Variants in DYM observed in about 807,000 individuals in gnomAD.
DYM encodes dymeclin, also known as dyggve-Melchior-Clausen syndrome protein.
Under a neutral mutation model 93.1 loss-of-function variants are expected in DYM, and 78 were observed. That is an observed-to-expected ratio of 0.84 (90% confidence interval 0.70 to 1.01). The LOEUF is 1.01. Ranked by LOEUF, DYM falls within the 50% of genes least tolerant of loss-of-function variation. The pLI is 0.00. For missense variants in DYM, 789 were observed against 845.0 expected (o/e 0.93, Z 0.82); for synonymous variants, 321 against 319.7 (o/e 1.00, Z -0.04).
rs1347130931 is a variant in DYM, at chr18:49,395,346, A to C, written c.141-3701T>G. On this transcript the variant is annotated intron_variant, in intron 2 of 17. Coordinates refer to ENST00000675505, the MANE Select transcript of DYM (RefSeq NM_001353214.3). ...AGACACCTCTCAAAAGAAGAAACAC[A>C]AGGCCAGGCGCAGTGGCTCATGCCT... 2.6e-5 allele frequency among the ~76,000 whole-genome samples: 4 copies of C among 152,212 alleles called. No homozygotes were observed. In the East Asian group the frequency reaches 7.7e-4, roughly 29 times the overall value.
chr18:49,349,111 G>A (rs765710487), intron 6 of DYM, among the ~76,000 whole-genome samples: 19 of 152,072 alleles, frequency 1.2e-4, no homozygotes, highest in Non-Finnish European at 2.2e-4. Flanking sequence ...GTGAGGCTGA[G>A]GCATGAGAAT....
chr18:49,296,362 T>C (rs2060552824), intron 8 of DYM, among the ~76,000 whole-genome samples: 1 of 152,202 alleles, frequency 6.6e-6, no homozygotes, highest in Admixed American at 6.5e-5. Context: ...TGTGCCCAAA[T>C]GTGTATTTGC....
chr18:49,152,969 G>C (rs1223179079), intron 15 of DYM, among the ~76,000 whole-genome samples: 1 of 152,180 alleles, frequency 6.6e-6, no homozygotes, highest in African/African-American at 2.4e-5. Context: ...GTGGGGGAAA[G>C]GAGATGTTGG....
intron 2 of DYM, among the ~76,000 whole-genome samples, chr18:49,415,048 G>A (rs755927283): frequency 3.3e-5 from 5 of 151,830 alleles, no homozygotes; most frequent in East Asian, 3.9e-4. Context: ...ACAGTGGCAT[G>A]ACCTCAGCTC....
At chr18:49,422,544 C>A (rs1037355088) in intron 2 of DYM, among the ~76,000 whole-genome samples, 11 of 152,184 alleles carry the variant, frequency 7.2e-5, no homozygotes, top group African/African-American at 2.6e-4. Context: ...TCACACATAA[C>A]AATATTAACC....
intron 13 of DYM, among the ~76,000 whole-genome samples, chr18:49,212,636 CA>C (rs930981361): frequency 5.9e-5 from 9 of 152,052 alleles, no homozygotes; most frequent in African/African-American, 1.7e-4. Flanking sequence ...GCTGGAACCA[CA>C]AGTGTGTGCC....
chr18:49,129,024 T>C (rs2083113644), intron 15 of DYM, among the ~76,000 whole-genome samples: 1 of 152,096 alleles, frequency 6.6e-6, no homozygotes, highest in South Asian at 2.1e-4. Context: ...CCTATGACGC[T>C]TGATGCCCTT....
intron 16 of DYM, among the ~76,000 whole-genome samples, chr18:49,107,791 C>T (rs984385873): frequency 6.6e-6 from 1 of 152,202 alleles, no homozygotes; most frequent in Non-Finnish European, 1.5e-5. Flanking sequence ...GAGTACCCGG[C>T]CGTGTGAAGT....
At chr18:49,401,226 C>G (rs1453330257) in intron 2 of DYM, among the ~76,000 whole-genome samples, 1 of 152,178 alleles carries the variant, frequency 6.6e-6, no homozygotes, top group Non-Finnish European at 1.5e-5. Flanking sequence ...CTAGTAATCT[C>G]TTAGTCAAAG....
intron 17 of DYM, among the ~76,000 whole-genome samples, chr18:49,074,411 T>C (rs994290782): frequency 6.6e-6 from 1 of 152,220 alleles, no homozygotes; most frequent in Non-Finnish European, 1.5e-5. Flanking sequence ...CTTGAGCATC[T>C]GTGGATTTTG....
intron 15 of DYM, among the ~76,000 whole-genome samples, chr18:49,157,352 C>G (rs1359132437): frequency 6.6e-6 from 1 of 152,210 alleles, no homozygotes; most frequent in Non-Finnish European, 1.5e-5. Context: ...CAGACTGTCT[C>G]TCCCACACAT....
intron 14 of DYM, among the ~76,000 whole-genome samples, chr18:49,202,920 C>CT (rs2092164518): frequency 7.3e-6 from 1 of 136,824 alleles, no homozygotes; most frequent in Non-Finnish European, 1.6e-5. Flanking sequence ...GTCAGCCCCC[C>CT]GCCTGGCCAG....
At chr18:49,299,904 G>A (rs557841559) in intron 8 of DYM, among the ~76,000 whole-genome samples, 242 of 151,336 alleles carry the variant, frequency 1.6e-3, no homozygotes, top group African/African-American at 5.6e-3. Context: ...TTAGCTGGGC[G>A]TGGTGGCAGG....
intron 15 of DYM, among the ~76,000 whole-genome samples, chr18:49,133,877 A>G (rs768676094): frequency 3.0e-4 from 46 of 152,286 alleles, no homozygotes; most frequent in Non-Finnish European, 6.0e-4. Context: ...ACATACCTAC[A>G]GGTTCTGGGG....
chr18:49,441,224 T>A (rs1600288238), intron 1 of DYM, among the ~76,000 whole-genome samples: 1 of 26,450 alleles, frequency 3.8e-5, no homozygotes, highest in Non-Finnish European at 7.1e-5. Context: ...TATATATAAT[T>A]ATATTATATA....
At chr18:49,126,992 C>T (rs546234813) in intron 15 of DYM, among the ~76,000 whole-genome samples, 4 of 152,236 alleles carry the variant, frequency 2.6e-5, no homozygotes, top group South Asian at 2.1e-4. Context: ...ATGGAAGACA[C>T]GCTTTTGAAA....
intron 8 of DYM, among the ~76,000 whole-genome samples, chr18:49,289,166 G>C (rs1240965729): frequency 2.6e-5 from 4 of 151,866 alleles, no homozygotes; most frequent in Admixed American, 2.6e-4. Context: ...AGTGTTCTTG[G>C]GACAGTGAAA....
At chr18:49,185,395 T>C (rs2090339241) in intron 14 of DYM, among the ~76,000 whole-genome samples, 1 of 152,200 alleles carries the variant, frequency 6.6e-6, no homozygotes, top group Non-Finnish European at 1.5e-5. Context: ...ATAATTCTAT[T>C]ATATGACTGT....
In DYM at chr18:49,217,630, C is replaced by A. The variant is rs566164484; in HGVS notation, c.1461-7915G>T. ...TTCTTAAAGAAAAGAATTTTCAACC[C>A]AGAATTTCATATCCAGCCAAACTAA... is the stretch of plus-strand genomic sequence containing the variant. On this transcript the variant is annotated intron_variant, in intron 13 of 17. Coordinates refer to ENST00000675505, the MANE Select transcript of DYM (RefSeq NM_001353214.3). Among the ~76,000 whole-genome samples, 3 of 152,266 alleles carry A rather than the reference C, an allele frequency of 2.0e-5. No homozygotes were observed. In the South Asian group the frequency reaches 6.2e-4, roughly 32 times the overall value.
Sources: allele counts gnomAD v4.1 joint callset (sites outside exome capture counted in the v4.1 genomes callset), GRCh38; gene constraint gnomAD v4.1.1; transcripts MANE v1.5; gene names NCBI Gene and HGNC (gene_info 2026-07-23, HGNC 2026-07-21).